CDH18: variants seen among roughly 807,000 people sequenced by gnomAD.
CDH18 encodes cadherin 18.
A neutral mutation model predicts 67.9 loss-of-function variants in CDH18; 31 were observed. The ratio of observed to expected loss-of-function variants is 0.46; its 90% CI spans 0.34 to 0.62. The LOEUF is 0.62. Among genes scored for constraint, CDH18 ranks in the 20% least tolerant of loss-of-function variants. The pLI is 0.01. For synonymous variants in CDH18, 362 were observed against 347.2 expected (o/e 1.04, Z -0.48); for missense variants, 890 against 975.5 (o/e 0.91, Z 1.17).
At chr5:20,147,078 A>G (rs1427448764) in intron 2 of CDH18, among the ~76,000 whole-genome samples, 1 of 152,194 alleles carries the variant, frequency 6.6e-6, no homozygotes, top group Non-Finnish European at 1.5e-5. Context: ...AAAGTTAAAG[A>G]TAAAGTATGA....
chr5:20,552,883 T>C (rs1207813551), intron 1 of CDH18, among the ~76,000 whole-genome samples: 1 of 152,042 alleles, frequency 6.6e-6, no homozygotes, highest in Non-Finnish European at 1.5e-5. Flanking sequence ...GCCTCCTGAG[T>C]AGCCGAGACT....
rs557157668 is a variant in CDH18 at position 20,119,850 on chromosome 5, TAAC to T, written c.-517-127839_-517-127837del. Among the ~76,000 whole-genome samples, 43 of 152,176 alleles carry T rather than the reference TAAC, an allele frequency of 2.8e-4. No homozygotes were observed. The East Asian group carries it at 3.7e-3, about 13-fold the overall frequency. On this transcript the variant is annotated intron_variant, in intron 2 of 14. Transcript: ENST00000507958. ...TTACATTTATTTCATTAGTATAACA[TAAC>T]AACAGCATCTAATTGTAGTTATATA... is the stretch of plus-strand genomic sequence containing the variant.
At chr5:20,348,893 C>T (rs1262136079) in intron 1 of CDH18, among the ~76,000 whole-genome samples, 6 of 152,092 alleles carry the variant, frequency 3.9e-5, no homozygotes, top group African/African-American at 1.4e-4. Flanking sequence ...AGCCCTAAAA[C>T]ATTTACTTTT....
Position 19,516,525 on chromosome 5 carries a change from G to T in CDH18, c.1512+4132C>A, listed in dbSNP as rs190375426. On this transcript the variant is annotated intron_variant, in intron 10 of 12. Transcript: ENST00000382275. Reference sequence around the variant, plus strand: ...GCTATTAATTATTGCCTCAATTTCAGAGGCTGTTATTGGTCTATTCAGCGA... The same window carrying T: ...GCTATTAATTATTGCCTCAATTTCATAGGCTGTTATTGGTCTATTCAGCGA... Among the ~76,000 whole-genome samples the T allele has an allele frequency of 1.3e-3, 196 of 152,216 alleles. 4 individuals carry two copies. The highest frequency in any genetic ancestry group is 0.013 in the Admixed American group (193 of 15,274).
intron 5 of CDH18, among the ~76,000 whole-genome samples, chr5:19,669,040 A>G (rs1409305526): frequency 6.7e-6 from 1 of 149,906 alleles, no homozygotes; most frequent in Non-Finnish European, 1.5e-5. Context: ...GTGGACATTC[A>G]TACCATAAAG....
intron 3 of CDH18, among the ~76,000 whole-genome samples, chr5:19,765,381 C>G (rs1772934715): frequency 8.0e-6 from 1 of 124,258 alleles, no homozygotes; most frequent in African/African-American, 2.5e-5. Context: ...AATCTATAGT[C>G]CTGTTTCTTT....
At chr5:20,077,769 CT>C (rs1235495996) in intron 2 of CDH18, among the ~76,000 whole-genome samples, 4 of 152,156 alleles carry the variant, frequency 2.6e-5, no homozygotes, top group Non-Finnish European at 5.9e-5. Context: ...ACTGTTACAT[CT>C]TACCACACTT....
At chr5:20,063,431 T>C (rs1742682711) in intron 2 of CDH18, among the ~76,000 whole-genome samples, 1 of 152,164 alleles carries the variant, frequency 6.6e-6, no homozygotes, top group Admixed American at 6.6e-5. Flanking sequence ...GCATTATTTA[T>C]GTGCATCCCC....
chr5:19,539,758 TA>T (rs1220686849), intron 9 of CDH18, among the ~76,000 whole-genome samples: 3 of 152,170 alleles, frequency 2.0e-5, no homozygotes, highest in Admixed American at 6.5e-5. Flanking sequence ...ACTTATTCAC[TA>T]TGACCAGAAC....
At chr5:20,123,842 G>A (rs550773346) in intron 2 of CDH18, among the ~76,000 whole-genome samples, 62 of 146,000 alleles carry the variant, frequency 4.2e-4, no homozygotes, top group African/African-American at 1.5e-3. Context: ...AGCTGAGATC[G>A]TGCTACTGCA....
intron 2 of CDH18, among the ~76,000 whole-genome samples, chr5:19,900,028 T>C (rs1025006889): frequency 2.0e-5 from 3 of 152,132 alleles, no homozygotes; most frequent in African/African-American, 7.2e-5. Flanking sequence ...ACTGTTCCTA[T>C]AGGTAAAAAT....
At chr5:19,990,437 T>A (rs1799918024), upstream of CDH18, among the ~76,000 whole-genome samples, 1 of 152,200 alleles carries the variant, frequency 6.6e-6, no homozygotes, top group African/African-American at 2.4e-5. Context: ...AAGACTGTAA[T>A]AAGTGCATCC....
chr5:20,105,686 G>A (rs538755090), intron 2 of CDH18, among the ~76,000 whole-genome samples: 2 of 152,250 alleles, frequency 1.3e-5, no homozygotes, highest in African/African-American at 4.8e-5. Flanking sequence ...TTTCACGTCT[G>A]GCTTATTTCA....
At chr5:19,481,458 G>T (rs373085465) in intron 12 of CDH18, among the ~76,000 whole-genome samples, 5 of 152,054 alleles carry the variant, frequency 3.3e-5, no homozygotes, top group Non-Finnish European at 5.9e-5. Flanking sequence ...GTACTGTGTC[G>T]AAGGGAGACA....
In CDH18 at chr5:20,246,652, A is replaced by T. The variant is rs143387837; in HGVS notation, c.-518+8792T>A. Among the ~76,000 whole-genome samples, 1,089 of 152,316 alleles carry T rather than the reference A, an allele frequency of 7.1e-3. 12 individuals are homozygous for T. The highest frequency in any genetic ancestry group is 0.012 in the Non-Finnish European group (815 of 68,030). On this transcript the variant is annotated intron_variant, in intron 2 of 14. Transcript: ENST00000507958. ...CTTTGATTACCAGATCACCTCAACC[A>T]TGATGCATTTATGGGTGAATAAAAC...
chr5:19,702,423 A>G (rs1471148342), intron 5 of CDH18, among the ~76,000 whole-genome samples: 5 of 151,274 alleles, frequency 3.3e-5, no homozygotes, highest in African/African-American at 1.2e-4. Flanking sequence ...TGCTAGGATT[A>G]CAGGTATGAG....
At chr5:20,395,324 G>A (rs1315650864) in intron 1 of CDH18, among the ~76,000 whole-genome samples, 2 of 152,160 alleles carry the variant, frequency 1.3e-5, no homozygotes, top group Non-Finnish European at 2.9e-5. Flanking sequence ...ATTATTCTAA[G>A]TGAAGCAGCT....
chr5:19,595,016 CATA>C (rs1745940627), intron 6 of CDH18, among the ~76,000 whole-genome samples: 1 of 151,746 alleles, frequency 6.6e-6, no homozygotes, highest in Non-Finnish European at 1.5e-5. Context: ...TTGTAGATAA[CATA>C]ATATTACATA....
In CDH18 at chr5:20,554,289, C is replaced by T. The variant is rs368753414; in HGVS notation, c.-580+21173G>A. On this transcript the variant is annotated intron_variant, in intron 1 of 14. Transcript: ENST00000507958. ...GATGGTCCAGGTTTGACCCAAGGGTCATAATTTCCCTTCAGCATACAAACA... is the reference window on the plus strand; with the variant it reads ...GATGGTCCAGGTTTGACCCAAGGGTTATAATTTCCCTTCAGCATACAAACA... Among the ~76,000 whole-genome samples the T allele has an allele frequency of 1.6e-4, 24 of 152,284 alleles. No individual in the cohort carries two copies. In the East Asian group the frequency reaches 3.3e-3, roughly 21 times the overall value.
Sources: allele counts gnomAD v4.1 joint callset (sites outside exome capture counted in the v4.1 genomes callset), GRCh38; gene constraint gnomAD v4.1.1; transcripts MANE v1.5; gene names NCBI Gene and HGNC (gene_info 2026-07-23, HGNC 2026-07-21).